Variants in ERGIC1 observed in about 807,000 individuals in gnomAD.
ERGIC1 encodes endoplasmic reticulum-golgi intermediate compartment 1.
ERGIC1 carries 19 observed loss-of-function variants against 38.3 expected under a neutral mutation model. The ratio of observed to expected loss-of-function variants is 0.50; its 90% CI spans 0.35 to 0.73. The LOEUF is 0.73. Ranked by LOEUF, ERGIC1 falls within the 30% of genes least tolerant of loss-of-function variation. The pLI is 0.01. For synonymous variants in ERGIC1, 124 were observed against 157.6 expected (o/e 0.79, Z 1.60); for missense variants, 294 against 389.2 (o/e 0.76, Z 2.06).
intron 5 of ERGIC1, among the ~76,000 whole-genome samples, chr5:172,918,803 TG>T (rs1326771495): frequency 6.6e-6 from 1 of 152,180 alleles, no homozygotes; most frequent in Non-Finnish European, 1.5e-5. Context: ...GGACCTCTGC[TG>T]GGCCTCCATA....
intron 1 of ERGIC1, among the ~76,000 whole-genome samples, chr5:172,884,939 T>C (rs1282956051): frequency 6.6e-6 from 1 of 152,168 alleles, no homozygotes; most frequent in Non-Finnish European, 1.5e-5. Context: ...GTGAGGCACC[T>C]GGCCCCACTA....
intron 3 of ERGIC1, among the ~76,000 whole-genome samples, chr5:172,906,355 C>A (rs1209968332): frequency 6.6e-6 from 1 of 152,158 alleles, no homozygotes; most frequent in Non-Finnish European, 1.5e-5. Flanking sequence ...ATGGGACACA[C>A]CCTCTCCGAG....
intron 9 of ERGIC1, among the ~76,000 whole-genome samples, chr5:172,938,202 A>C (rs1326291018): frequency 6.6e-6 from 1 of 152,172 alleles, no homozygotes; most frequent in Non-Finnish European, 1.5e-5. Flanking sequence ...GCACACCCCA[A>C]GTGGGTCTTG....
chr5:172,939,206 G>A (rs113343955), intron 9 of ERGIC1, among the ~76,000 whole-genome samples: 1 of 152,348 alleles, frequency 6.6e-6, no homozygotes, highest in Non-Finnish European at 1.5e-5. Context: ...CGCAGTCCCT[G>A]CCTTGAAGGA....
Position 172,932,541 on chromosome 5 carries a change from G to A in ERGIC1, c.642+5G>A, listed in dbSNP as rs1763801509. The stretch of plus-strand genomic sequence containing the variant: ...CAGTACACGGTGGCCAACAAGGTGC[G>A]CGGGCGGTGGCTGGGCCGAGCTGTG... On this transcript the variant is annotated splice_donor_5th_base_variant and intron_variant, in intron 8 of 9. Transcript: ENST00000393784. The A allele has an allele frequency of 5.0e-6, 8 of 1,613,476 alleles. No individual in the cohort carries two copies. The highest frequency in any genetic ancestry group is 1.3e-5 in the African/African-American group (1 of 74,940).
chr5:172,838,625 T>G (rs1761087253), intron 1 of ERGIC1, among the ~76,000 whole-genome samples: 1 of 151,998 alleles, frequency 6.6e-6, no homozygotes. Flanking sequence ...AGAGATGGGG[T>G]CTTGCTATGT....
rs145112583 is a variant in ERGIC1 at position 172,938,481 on chromosome 5, G to A, written c.765+3171G>A. 4.5e-3 allele frequency among the ~76,000 whole-genome samples: 687 copies of A among 152,298 alleles called. 4 individuals carry two copies. The highest frequency in any genetic ancestry group is 0.015 in the African/African-American group (642 of 41,566). On this transcript the variant is annotated intron_variant, in intron 9 of 9. Coordinates refer to ENST00000393784, the MANE Select transcript of ERGIC1 (RefSeq NM_001031711.3). Reference sequence around the variant, plus strand: ...CAATCATTTGGCAATGGCCGGGCACGGTGGCTTATGCCTGTAATCCCAGCA... The same window carrying A: ...CAATCATTTGGCAATGGCCGGGCACAGTGGCTTATGCCTGTAATCCCAGCA...
chr5:172,850,324 C>T (rs1442896022), intron 1 of ERGIC1, among the ~76,000 whole-genome samples: 3 of 79,782 alleles, frequency 3.8e-5, no homozygotes, highest in Non-Finnish European at 7.2e-5. Context: ...CCACCCTGGG[C>T]CAGGCCCCTC....
At chr5:172,949,780 C>T (rs1210969502) in intron 9 of ERGIC1, among the ~76,000 whole-genome samples, 1 of 152,112 alleles carries the variant, frequency 6.6e-6, no homozygotes, top group Non-Finnish European at 1.5e-5. Flanking sequence ...AGAAACCTTG[C>T]CCTGGCCAGG....
chr5:172,900,366 G>A (rs765429314), intron 3 of ERGIC1, among the ~76,000 whole-genome samples: 10 of 152,066 alleles, frequency 6.6e-5, no homozygotes, highest in East Asian at 1.9e-4. Context: ...CATCCCGGAC[G>A]CTCTGATCCC....
intron 3 of ERGIC1, among the ~76,000 whole-genome samples, chr5:172,900,720 A>AC (rs1762850792): frequency 2.1e-5 from 3 of 146,320 alleles, no homozygotes; most frequent in African/African-American, 7.4e-5. Flanking sequence ...AAAAAAAAAA[A>AC]ACAAAAAAAA....
chr5:172,869,235 C>T (rs146138629), intron 1 of ERGIC1, among the ~76,000 whole-genome samples: 3,264 of 152,348 alleles, frequency 0.021, 52 homozygotes, highest in Middle Eastern at 0.031. Flanking sequence ...CAACAACATT[C>T]TTTGGTCCCC....
At chr5:172,887,087 C>T (rs1762441069) in intron 1 of ERGIC1, among the ~76,000 whole-genome samples, 1 of 152,182 alleles carries the variant, frequency 6.6e-6, no homozygotes, top group African/African-American at 2.4e-5. Flanking sequence ...GGAAACTGAG[C>T]ATGTTTCACG....
rs375873568 is a variant in ERGIC1, at chr5:172,935,347, A to T, written c.765+37A>T. 5 of 1,613,002 alleles carry T rather than the reference A, an allele frequency of 3.1e-6. No homozygotes were observed. In the African/African-American group the frequency reaches 6.7e-5, roughly 22 times the overall value. ...GGGGCAGTGGGTGGGGCCCTGAGCCAGCCACCCTGCGCCTGCTCTGGGCCC... is the reference window on the plus strand; with the variant it reads ...GGGGCAGTGGGTGGGGCCCTGAGCCTGCCACCCTGCGCCTGCTCTGGGCCC... On this transcript the variant is annotated intron_variant, in intron 9 of 9. Coordinates refer to ENST00000393784, the MANE Select transcript of ERGIC1 (RefSeq NM_001031711.3).
chr5:172,895,370 G>T (rs1379210083), intron 2 of ERGIC1, among the ~76,000 whole-genome samples: 1 of 152,160 alleles, frequency 6.6e-6, no homozygotes, highest in African/African-American at 2.4e-5. Flanking sequence ...CTCACTTAGG[G>T]CCATGCAGCA....
chr5:172,883,847 A>G (rs1242901651), intron 1 of ERGIC1, among the ~76,000 whole-genome samples: 4 of 152,108 alleles, frequency 2.6e-5, no homozygotes, highest in African/African-American at 9.7e-5. Flanking sequence ...GCCAGGCATG[A>G]TGGTGCATCC....
chr5:172,905,164 G>A lies in ERGIC1; in HGVS notation c.156-4503G>A, dbSNP rs1339690213. On this transcript the variant is annotated intron_variant, in intron 3 of 9. Coordinates refer to ENST00000393784, the MANE Select transcript of ERGIC1 (RefSeq NM_001031711.3). ...ATCCCACAATCCCTCAGTGCTGTGC[G>A]GAGGCCCAGCCTCGCCAGGTGGGAA... The A allele has an allele frequency of 6.8e-5, 16 of 233,732 alleles. No individual in the cohort carries two copies. In the East Asian group the frequency reaches 8.9e-4, roughly 13 times the overall value. 14.5% of individuals were successfully genotyped at this position (233,732 alleles called of 1,614,324 possible).
At chr5:172,906,841 G>A (rs1763039789) in intron 3 of ERGIC1, among the ~76,000 whole-genome samples, 1 of 152,086 alleles carries the variant, frequency 6.6e-6, no homozygotes. Context: ...TCTGGGTGGG[G>A]GGCATTATCG....
chr5:172,849,112 C>A (rs1357473472), intron 1 of ERGIC1, among the ~76,000 whole-genome samples: 1 of 152,110 alleles, frequency 6.6e-6, no homozygotes, highest in Non-Finnish European at 1.5e-5. Context: ...AAATGGAGAC[C>A]GAGAGAAGTT....
Sources: gnomAD v4.1 joint callset for allele counts (sites outside exome capture counted in the v4.1 genomes callset) on GRCh38, gnomAD v4.1.1 for gene constraint, MANE v1.5 for transcripts, NCBI Gene and HGNC (gene_info 2026-07-23, HGNC 2026-07-21) for gene names.